TJP1: variants seen among roughly 807,000 people sequenced by gnomAD.
The protein encoded by TJP1 is tight junction protein ZO-1.
Under a neutral mutation model 194.2 loss-of-function variants are expected in TJP1, and 43 were observed. The observed-to-expected ratio is 0.22, with a 90% CI of 0.17 to 0.29. The LOEUF (loss-of-function observed/expected upper bound fraction) is 0.29, where lower values mean the gene tolerates loss of function less well. TJP1 is among the 10% of genes least tolerant of loss of function. The pLI is 1.00. For missense variants in TJP1, 1,971 were observed against 2,185.7 expected (o/e 0.90, Z 1.96); for synonymous variants, 801 against 779.0 (o/e 1.03, Z -0.47).
intron 2 of TJP1, among the ~76,000 whole-genome samples, chr15:29,893,290 G>A (rs903391108): frequency 7.9e-5 from 12 of 152,188 alleles, no homozygotes; most frequent in Non-Finnish European, 1.6e-4. Context: ...ATGGTTTCTC[G>A]AGATAGAATC....
intron 2 of TJP1, among the ~76,000 whole-genome samples, chr15:29,843,291 C>T (rs963646631): frequency 6.6e-6 from 1 of 151,862 alleles, no homozygotes; most frequent in Non-Finnish European, 1.5e-5. Flanking sequence ...CGGGTTCAAG[C>T]GATTTTCCTG....
intron 2 of TJP1, among the ~76,000 whole-genome samples, chr15:29,901,097 A>T (rs938834504): frequency 6.6e-6 from 1 of 152,084 alleles, no homozygotes; most frequent in Non-Finnish European, 1.5e-5. Context: ...CTTCTCAAGA[A>T]GAAAATCGAT....
chr15:29,814,096 C>G (rs1196398183), intron 1 of TJP1, among the ~76,000 whole-genome samples: 1 of 152,198 alleles, frequency 6.6e-6, no homozygotes, highest in Admixed American at 6.5e-5. Context: ...AAAACACTTA[C>G]ATCAATGTAT....
At chr15:29,898,626 C>CAGTCTGA (rs2053548782) in intron 2 of TJP1, among the ~76,000 whole-genome samples, 1 of 152,192 alleles carries the variant, frequency 6.6e-6, no homozygotes, top group Non-Finnish European at 1.5e-5. Context: ...GGAGCACCCC[C>CAGTCTGA]AGTCTGAAAT....
intron 17 of TJP1, 38 bp from the exon 18 acceptor site, chr15:29,726,517 C>T (rs767582292): frequency 1.3e-6 from 2 of 1,585,890 alleles, no homozygotes; most frequent in Non-Finnish European, 1.7e-6. Flanking sequence ...ATGGTTAGAG[C>T]ACTGCCAAAA....
At chr15:29,762,222 C>CT in intron 6 of TJP1, 113 bp downstream of exon 6, 2 of 796,498 alleles carry the variant, frequency 2.5e-6, no homozygotes, top group Non-Finnish European at 3.9e-6. Flanking sequence ...CCCCCAAACA[C>CT]TGATTTTTAA....
intron 8 of TJP1, among the ~76,000 whole-genome samples, chr15:29,755,834 C>T (rs1436657243): frequency 1.3e-5 from 2 of 152,046 alleles, no homozygotes; most frequent in African/African-American, 4.8e-5. Flanking sequence ...TCTTGACAAT[C>T]CAAATTTCCC....
At chr15:29,936,085 A>G (rs996383470) in intron 2 of TJP1, among the ~76,000 whole-genome samples, 3 of 151,784 alleles carry the variant, frequency 2.0e-5, no homozygotes, top group Non-Finnish European at 2.9e-5. Context: ...CCCAACCCCA[A>G]ACTGGTCTCT....
chr15:29,769,810 ACAGAATATAATACTTGAT>A (rs1345069496), intron 4 of TJP1, among the ~76,000 whole-genome samples: 1 of 152,230 alleles, frequency 6.6e-6, no homozygotes, highest in African/African-American at 2.4e-5. Context: ...TACAATATGT[ACAGAATATAATACTTGAT>A]AATGACTATG....
intron 2 of TJP1, among the ~76,000 whole-genome samples, chr15:29,831,303 T>A (rs999453498): frequency 1.3e-5 from 2 of 152,238 alleles, no homozygotes; most frequent in Admixed American, 6.5e-5. Flanking sequence ...ATTCAGGCAG[T>A]GATCATCAAA....
intron 2 of TJP1, among the ~76,000 whole-genome samples, chr15:29,849,381 C>G (rs1157275603): frequency 2.6e-5 from 4 of 151,624 alleles, no homozygotes; most frequent in Non-Finnish European, 4.4e-5. Flanking sequence ...TCACCCCGCA[C>G]CCCCCACTGT....
At chr15:29,949,683 T>TAC (rs2055551038) in intron 2 of TJP1, among the ~76,000 whole-genome samples, 1 of 15,614 alleles carries the variant, frequency 6.4e-5, no homozygotes, top group African/African-American at 2.3e-4. Context: ...ACCTCCACCT[T>TAC]CACCACCACC....
intron 2 of TJP1, among the ~76,000 whole-genome samples, chr15:29,879,764 G>A (rs754511885): frequency 1.3e-5 from 2 of 151,912 alleles, no homozygotes; most frequent in Non-Finnish European, 2.9e-5. Context: ...CAAGCTGGAG[G>A]GCAGTGGTGT....
intron 2 of TJP1, 37 bp from the exon 3 acceptor site, chr15:29,773,394 G>T: frequency 7.5e-6 from 12 of 1,600,622 alleles, no homozygotes; most frequent in South Asian, 1.1e-5. Flanking sequence ...TGCTATTAAG[G>T]ACAAAAATAA....
chr15:29,897,712 G>A (rs982254172), intron 2 of TJP1, among the ~76,000 whole-genome samples: 5 of 152,342 alleles, frequency 3.3e-5, no homozygotes, highest in Admixed American at 6.5e-5. Flanking sequence ...TCTTGCATCA[G>A]TGTGACCTGG....
At chr15:29,825,814 TC>T (rs1156465318), upstream of TJP1, among the ~76,000 whole-genome samples, 2 of 152,296 alleles carry the variant, frequency 1.3e-5, no homozygotes, top group Admixed American at 1.3e-4. Context: ...TAATCCTGAT[TC>T]CACTCCTATG....
Position 29,709,404 on chromosome 15 carries a change from AC to A in TJP1, c.4373-369del, listed in dbSNP as rs753751032. Reference sequence around the variant, plus strand: ...CAAAAAGCATTAAATACTATTTCACACCCACTAGAATGGAAAAACCGAAAAG... The same window carrying A: ...CAAAAAGCATTAAATACTATTTCACACCACTAGAATGGAAAAACCGAAAAG... On this transcript the variant is annotated intron_variant, in intron 24 of 27. Transcript: ENST00000614355. Among the ~76,000 whole-genome samples, 111 of 152,318 alleles carry A rather than the reference AC, an allele frequency of 7.3e-4. 1 individual carries two copies. Among genetic ancestry groups the A allele is most frequent in the Admixed American group, 1.2e-3 (18 of 15,304 alleles).
At chr15:29,828,499 TA>T (rs1322413883) in intron 2 of TJP1, among the ~76,000 whole-genome samples, 4 of 151,692 alleles carry the variant, frequency 2.6e-5, no homozygotes, top group East Asian at 3.9e-4. Flanking sequence ...TATGCTTACT[TA>T]AAAAAAAATT....
intron 27 of TJP1, among the ~76,000 whole-genome samples, chr15:29,702,794 C>T (rs893001643): frequency 1.3e-5 from 2 of 152,142 alleles, no homozygotes; most frequent in African/African-American, 4.8e-5. Flanking sequence ...CCTCTGATAA[C>T]ATTAAAATAT....
Sources: allele counts gnomAD v4.1 joint callset (sites outside exome capture counted in the v4.1 genomes callset), GRCh38; gene constraint gnomAD v4.1.1; transcripts MANE v1.5; gene names NCBI Gene and HGNC (gene_info 2026-07-23, HGNC 2026-07-21).